Variants in IL13RA1 observed in about 807,000 individuals in gnomAD.
IL13RA1 encodes interleukin-13 receptor subunit alpha-1.
Under a neutral mutation model 33.8 loss-of-function variants are expected in IL13RA1, and 14 were observed. The ratio of observed to expected loss-of-function variants is 0.41; its 90% confidence interval spans 0.27 to 0.65. The LOEUF (loss-of-function observed/expected upper bound fraction) is 0.65. Ranked by LOEUF, IL13RA1 falls within the 30% of genes least tolerant of loss-of-function variation. The pLI, the probability that IL13RA1 is intolerant of heterozygous loss-of-function variation, is 0.28. For synonymous variants in IL13RA1, 116 were observed against 115.7 expected (o/e 1.00, Z -0.02); for missense variants, 313 against 327.0 (o/e 0.96, Z 0.33).
intron 10 of IL13RA1, among the ~76,000 whole-genome samples, chrX:118,787,486 G>A (rs773324887): frequency 4.5e-5 from 5 of 111,595 alleles, no homozygotes; most frequent in Non-Finnish European, 9.4e-5. Context: ...TGCATGCATT[G>A]TCATTGATAA....
Position 118,794,301 on chromosome X carries a change from T to C in IL13RA1, c.*2447T>C, listed in dbSNP as rs2018009429. ...CCCTGTGGGAAATTAGTAGGCTCAT[T>C]TACTGTTTTAGGTCTAGCCTATGTG... On this transcript the variant is annotated 3_prime_UTR_variant, in exon 11 of 11. Transcript: ENST00000371666. The C allele has an allele frequency of 8.9e-6, 1 of 112,384 alleles. No individual in the cohort carries two copies. The highest frequency in any genetic ancestry group is 3.7e-4 in the South Asian group (1 of 2,687). 9.3% of individuals were successfully genotyped at this position (112,384 alleles called of 1,213,427 possible).
At chrX:118,758,642 G>A (rs1393217044) in intron 5 of IL13RA1, among the ~76,000 whole-genome samples, 1 of 111,757 alleles carries the variant, frequency 8.9e-6, no homozygotes, top group Non-Finnish European at 1.9e-5. Flanking sequence ...GGAAGGTCAA[G>A]GGGCCAAGTC....
chrX:118,803,713 C>A, the IL13RA1 span, among the ~76,000 whole-genome samples: 1 of 110,964 alleles, frequency 9.0e-6, no homozygotes, highest in Non-Finnish European at 1.9e-5. Context: ...ATTGTTTGGC[C>A]TTTAAAATCG....
intron 7 of IL13RA1, 51 bp from the exon 8 acceptor site, chrX:118,766,793 A>G (rs1569457390): frequency 4.1e-6 from 3 of 724,793 alleles, no homozygotes; most frequent in Non-Finnish European, 4.1e-6. Context: ...AATAACAGTG[A>G]AAAAGAATAA....
chrX:118,791,384 A>G (rs914669975), intron 10 of IL13RA1, among the ~76,000 whole-genome samples: 3 of 111,756 alleles, frequency 2.7e-5, no homozygotes, highest in Non-Finnish European at 5.6e-5. Flanking sequence ...AGCAATGAGC[A>G]TTAAGAAAAT....
downstream of IL13RA1, among the ~76,000 whole-genome samples, chrX:118,796,735 C>T (rs1474516735): frequency 1.8e-5 from 2 of 111,808 alleles, no homozygotes; most frequent in Admixed American, 1.9e-4. Context: ...GGGGTTTCTC[C>T]ATGTTGGTCA....
intron 9 of IL13RA1, among the ~76,000 whole-genome samples, chrX:118,776,018 T>A: frequency 9.0e-6 from 1 of 110,601 alleles, no homozygotes; most frequent in East Asian, 2.8e-4. Context: ...GGACACTCAC[T>A]GGGAGATGGA....
At chrX:118,799,351 G>A (rs2018051757), downstream of IL13RA1, among the ~76,000 whole-genome samples, 3 of 113,359 alleles carry the variant, frequency 2.6e-5, no homozygotes, top group South Asian at 1.1e-3. Context: ...AGCGCACAGT[G>A]CAGGACTGGC....
chrX:118,736,106 G>A (rs2017278932), intron 1 of IL13RA1, among the ~76,000 whole-genome samples: 2 of 111,386 alleles, frequency 1.8e-5, no homozygotes, highest in South Asian at 7.4e-4. Flanking sequence ...CTGCTCCAGA[G>A]TTTCTTTTTG....
intron 1 of IL13RA1, among the ~76,000 whole-genome samples, chrX:118,740,445 A>T (rs930083514): frequency 8.9e-6 from 1 of 112,267 alleles, no homozygotes; most frequent in African/African-American, 3.2e-5. Context: ...TAGCCATGGG[A>T]TATGGAACAA....
At chrX:118,754,586 G>A (rs1314865461) in intron 4 of IL13RA1, among the ~76,000 whole-genome samples, 2 of 109,079 alleles carry the variant, frequency 1.8e-5, no homozygotes, top group East Asian at 2.9e-4. Flanking sequence ...GCAGTGAGCC[G>A]AGATCCCACC....
intron 6 of IL13RA1, among the ~76,000 whole-genome samples, chrX:118,764,005 G>C: frequency 9.0e-6 from 1 of 110,918 alleles, no homozygotes; most frequent in Non-Finnish European, 1.9e-5. Flanking sequence ...TTTGAACTCT[G>C]CTGCTTAGAT....
chrX:118,785,469 TTAATC>T (rs1480724743), intron 10 of IL13RA1, among the ~76,000 whole-genome samples: 3 of 112,242 alleles, frequency 2.7e-5, no homozygotes, highest in Non-Finnish European at 5.6e-5. Flanking sequence ...ATCCTACTTT[TTAATC>T]TATTTAAGAT....
chrX:118,784,704 C>T (rs990887509), intron 10 of IL13RA1, among the ~76,000 whole-genome samples: 24 of 111,719 alleles, frequency 2.1e-4, no homozygotes, highest in African/African-American at 7.5e-4. Context: ...ATGGGACCGG[C>T]ATTTCCTGAA....
the IL13RA1 span, among the ~76,000 whole-genome samples, chrX:118,801,080 G>C: frequency 9.8e-5 from 11 of 112,532 alleles, no homozygotes; most frequent in African/African-American, 3.2e-4. Context: ...ATGAGCCATT[G>C]CTCCCAGCCA....
chrX:118,791,899 C>T lies in IL13RA1; in HGVS notation c.*45C>T. On this transcript the variant is annotated 3_prime_UTR_variant, in exon 11 of 11. Transcript: ENST00000371666. Reference sequence around the variant, plus strand: ...CCTTCACTGTGACCTTGAGAAGATTCTTCCCATTCTCCATTTGTTATCTGG... The same window carrying T: ...CCTTCACTGTGACCTTGAGAAGATTTTTCCCATTCTCCATTTGTTATCTGG... The T allele has an allele frequency of 1.7e-6, 1 of 582,418 alleles. No individual in the cohort carries two copies. Among genetic ancestry groups the T allele is most frequent in the Middle Eastern group, 3.3e-4 (1 of 3,070 alleles). The allele number at this position is 582,418 out of a possible 1,213,427, so 48.0% of individuals were successfully genotyped here. A position where few individuals can be genotyped will look rare whatever the true frequency, so the allele number is the denominator to read the frequency against.
intron 10 of IL13RA1, among the ~76,000 whole-genome samples, chrX:118,783,352 A>G (rs1405524267): frequency 9.0e-6 from 1 of 111,706 alleles, no homozygotes; most frequent in East Asian, 2.8e-4. Context: ...GTAAGGATTG[A>G]ATTTTGGGCT....
At chrX:118,728,801 C>T (rs1315598685) in intron 1 of IL13RA1, among the ~76,000 whole-genome samples, 1 of 111,078 alleles carries the variant, frequency 9.0e-6, no homozygotes, top group Non-Finnish European at 1.9e-5. Context: ...GGTGCCTGCC[C>T]TCAGACATAT....
At chrX:118,773,005 A>G (rs752083809) in intron 8 of IL13RA1, among the ~76,000 whole-genome samples, 1 of 112,326 alleles carries the variant, frequency 8.9e-6, no homozygotes, top group East Asian at 2.8e-4. Context: ...TTTTATTATC[A>G]GTTTTTGTAT....
Sources: gnomAD v4.1 joint callset for allele counts (sites outside exome capture counted in the v4.1 genomes callset) on GRCh38, gnomAD v4.1.1 for gene constraint, MANE v1.5 for transcripts, NCBI Gene and HGNC (gene_info 2026-07-23, HGNC 2026-07-21) for gene names.